DPP10: variants seen among roughly 807,000 people sequenced by gnomAD.
DPP10 encodes dipeptidyl peptidase like 10.
A neutral mutation model predicts 120.9 loss-of-function variants in DPP10; 33 were observed. The observed-to-expected ratio is 0.27, with a 90% CI of 0.21 to 0.37. DPP10 has a LOEUF of 0.37. Among genes scored for constraint, DPP10 ranks in the 10% least tolerant of loss-of-function variants. The pLI is 1.00. For synonymous variants in DPP10, 337 were observed against 326.1 expected, an observed-to-expected ratio of 1.03 and a Z score of -0.36; for missense variants, 816 against 942.8, an observed-to-expected ratio of 0.87 and a Z score of 1.76.
At chr2:115,271,795 T>C (rs1472950734) in intron 1 of DPP10, among the ~76,000 whole-genome samples, 1 of 152,208 alleles carries the variant, frequency 6.6e-6, no homozygotes, top group Non-Finnish European at 1.5e-5. Flanking sequence ...AGGTATTTTT[T>C]ATTAAAACTT....
chr2:115,125,577 T>TTTTC (rs2050032620), intron 1 of DPP10, among the ~76,000 whole-genome samples: 1 of 146,844 alleles, frequency 6.8e-6, no homozygotes. Context: ...GCTTTTTTTT[T>TTTTC]TTTTTTTTTT....
intron 1 of DPP10, among the ~76,000 whole-genome samples, chr2:114,549,951 C>T (rs1301635844): frequency 6.6e-6 from 1 of 152,116 alleles, no homozygotes; most frequent in Non-Finnish European, 1.5e-5. Flanking sequence ...CAAAGGAAAG[C>T]ATTTTACCTC....
At chr2:115,793,370 A>G (rs1212988546) in intron 19 of DPP10, among the ~76,000 whole-genome samples, 2 of 152,156 alleles carry the variant, frequency 1.3e-5, no homozygotes, top group Non-Finnish European at 2.9e-5. Flanking sequence ...TTGGTAGAGC[A>G]TAAGCACTTG....
intron 1 of DPP10, among the ~76,000 whole-genome samples, chr2:114,954,637 G>C (rs1260562214): frequency 6.6e-6 from 1 of 151,980 alleles, no homozygotes; most frequent in Non-Finnish European, 1.5e-5. Flanking sequence ...ATGGAGACTA[G>C]AAAGACAAAG....
chr2:115,646,340 A>G (rs946452936), intron 5 of DPP10, among the ~76,000 whole-genome samples: 3 of 152,176 alleles, frequency 2.0e-5, no homozygotes, highest in Non-Finnish European at 4.4e-5. Flanking sequence ...CAGTGGGGCT[A>G]TTAGCACTGT....
intron 5 of DPP10, among the ~76,000 whole-genome samples, chr2:115,667,991 G>C (rs2089593653): frequency 6.6e-6 from 1 of 151,956 alleles, no homozygotes; most frequent in Non-Finnish European, 1.5e-5. Flanking sequence ...AAATATATGT[G>C]TCATATATAA....
chr2:114,926,975 C>T (rs1176250107), intron 1 of DPP10, among the ~76,000 whole-genome samples: 20 of 151,694 alleles, frequency 1.3e-4, no homozygotes, highest in Admixed American at 3.9e-4. Flanking sequence ...CTCAGCCTCC[C>T]GAGTAGCTGG....
rs187976574 is a variant in DPP10, at chr2:114,713,925, C to A, written c.60+271087C>A. Among the ~76,000 whole-genome samples the A allele has an allele frequency of 2.1e-4, 31 of 150,216 alleles. No individual in the cohort carries two copies. The East Asian group carries it at 5.3e-3, about 26-fold the overall frequency. On this transcript the variant is annotated intron_variant, in intron 1 of 25. Coordinates refer to ENST00000410059, the MANE Select transcript of DPP10 (RefSeq NM_020868.6). ...TCTTGAACTCAGGAGGCGGAGGTTG[C>A]AGTGAGCCGAGATCGCACCATTGCA...
At chr2:115,025,951 T>C (rs991041972) in intron 1 of DPP10, among the ~76,000 whole-genome samples, 13 of 152,270 alleles carry the variant, frequency 8.5e-5, no homozygotes, top group African/African-American at 2.9e-4. Context: ...TCTGTAAATA[T>C]CTTCTCCTAT....
chr2:114,853,472 C>A (rs988925075), intron 1 of DPP10, among the ~76,000 whole-genome samples: 5 of 152,012 alleles, frequency 3.3e-5, no homozygotes, highest in Non-Finnish European at 5.9e-5. Flanking sequence ...ACCGAAGACC[C>A]ACTGAAGTTC....
At chr2:115,691,988 C>T (rs189156384) in intron 7 of DPP10, among the ~76,000 whole-genome samples, 62 of 152,128 alleles carry the variant, frequency 4.1e-4, no homozygotes, top group Admixed American at 9.8e-4. Flanking sequence ...AACCTTGCTA[C>T]GCACAATTAT....
At chr2:114,818,637 T>G (rs531965803) in intron 1 of DPP10, among the ~76,000 whole-genome samples, 1 of 152,314 alleles carries the variant, frequency 6.6e-6, no homozygotes, top group South Asian at 2.1e-4. Context: ...AGGTCTGTTT[T>G]TTTAAAGAGA....
At chr2:115,577,282 T>C (rs776974748) in intron 5 of DPP10, among the ~76,000 whole-genome samples, 3 of 152,168 alleles carry the variant, frequency 2.0e-5, no homozygotes, top group Non-Finnish European at 4.4e-5. Context: ...TGGAAAGCCA[T>C]GTATGGCGAT....
chr2:115,837,308 A>G (rs761140369), intron 24 of DPP10, among the ~76,000 whole-genome samples: 2 of 152,226 alleles, frequency 1.3e-5, no homozygotes, highest in African/African-American at 2.4e-5. Context: ...TGTTAGTAGT[A>G]ATAAATAATA....
At chr2:115,752,874 C>T (rs781072935) in intron 10 of DPP10, among the ~76,000 whole-genome samples, 18 of 151,914 alleles carry the variant, frequency 1.2e-4, no homozygotes, top group South Asian at 2.1e-4. Flanking sequence ...TTGATTTTTC[C>T]AAGAAATACT....
At chr2:115,499,752 A>G in intron 4 of DPP10, 148 bp downstream of exon 4, 1 of 501,556 alleles carries the variant, frequency 2.0e-6, no homozygotes, top group Non-Finnish European at 3.5e-6. Flanking sequence ...GAATCAGTAA[A>G]TCTATTGATA....
At chr2:114,927,015 A>C (rs566588588) in intron 1 of DPP10, among the ~76,000 whole-genome samples, 1 of 151,634 alleles carries the variant, frequency 6.6e-6, no homozygotes, top group Admixed American at 6.6e-5. Context: ...ACGCCCAGCT[A>C]ATTTTTTGTA....
intron 7 of DPP10, among the ~76,000 whole-genome samples, chr2:115,692,005 C>A (rs2091344917): frequency 6.6e-6 from 1 of 151,908 alleles, no homozygotes; most frequent in African/African-American, 2.4e-5. Flanking sequence ...TTATATATTC[C>A]AAATAATTCT....
chr2:115,351,561 C>T (rs2064037310), intron 3 of DPP10, among the ~76,000 whole-genome samples: 1 of 151,928 alleles, frequency 6.6e-6, no homozygotes, highest in Admixed American at 6.6e-5. Flanking sequence ...AAAGTAAAAA[C>T]ACATAGGAGG....
Sources: gnomAD v4.1 joint callset for allele counts (sites outside exome capture counted in the v4.1 genomes callset) on GRCh38, gnomAD v4.1.1 for gene constraint, MANE v1.5 for transcripts, NCBI Gene and HGNC (gene_info 2026-07-23, HGNC 2026-07-21) for gene names.